Variants in CA4 observed in about 807,000 individuals in gnomAD.
CA4 encodes carbonic anhydrase 4.
Under a neutral mutation model 34.5 loss-of-function variants are expected in CA4, and 24 were observed. The observed-to-expected ratio is 0.70, with a 90% CI of 0.50 to 0.98. The LOEUF (loss-of-function observed/expected upper bound fraction) is 0.98, where lower values mean the gene tolerates loss of function less well. Ranked by LOEUF, CA4 falls within the 50% of genes least tolerant of loss-of-function variation. The pLI is 0.00. For synonymous variants in CA4, 178 were observed against 170.6 expected (o/e 1.04, Z -0.34); for missense variants, 394 against 396.7 (o/e 0.99, Z 0.06).
At chr17:60,170,210 G>A (rs1254120117) in intron 5 of CA4, among the ~76,000 whole-genome samples, 1 of 152,190 alleles carries the variant, frequency 6.6e-6, no homozygotes, top group Non-Finnish European at 1.5e-5. Flanking sequence ...CCCAGGAAAG[G>A]CCAGGAAGGA....
downstream of CA4, among the ~76,000 whole-genome samples, chr17:60,161,739 C>T (rs1350954804): frequency 6.6e-6 from 1 of 151,906 alleles, no homozygotes; most frequent in Non-Finnish European, 1.5e-5. Flanking sequence ...CTGGTGACCA[C>T]GCAGCTGTGG....
chr17:60,152,564 G>A (rs1035826417), intron 1 of CA4, among the ~76,000 whole-genome samples: 22 of 152,228 alleles, frequency 1.4e-4, no homozygotes, highest in African/African-American at 5.3e-4. Flanking sequence ...GGGAGGCTGT[G>A]AGGCGAGTTA....
At chr17:60,160,817 G>C (rs971866254), downstream of CA4, among the ~76,000 whole-genome samples, 2 of 151,730 alleles carry the variant, frequency 1.3e-5, no homozygotes, top group Admixed American at 6.6e-5. Flanking sequence ...GGGGCGGCTG[G>C]GAGGAGGCCA....
At chr17:60,166,133 C>T (rs1169855386) in intron 5 of CA4, among the ~76,000 whole-genome samples, 2 of 152,168 alleles carry the variant, frequency 1.3e-5, no homozygotes, top group Non-Finnish European at 2.9e-5. Flanking sequence ...GGTTTTCCCT[C>T]CTGTGTGATT....
chr17:60,167,015 T>C (rs58449832), intron 5 of CA4, among the ~76,000 whole-genome samples: 119 of 152,258 alleles, frequency 7.8e-4, no homozygotes, highest in Non-Finnish European at 1.1e-3. Flanking sequence ...AACCCAGAAA[T>C]TCTGATACTT....
chr17:60,173,036 A>G (rs1307603157), downstream of CA4, among the ~76,000 whole-genome samples: 2 of 150,736 alleles, frequency 1.3e-5, no homozygotes, highest in Non-Finnish European at 3.0e-5. Context: ...CCAGCTACTC[A>G]GGAGGCTGAG....
At chr17:60,163,182 G>A (rs984650568), downstream of CA4, among the ~76,000 whole-genome samples, 3 of 151,898 alleles carry the variant, frequency 2.0e-5, no homozygotes, top group Admixed American at 6.6e-5. Context: ...GTCTACAGGG[G>A]GCCCAGAGTC....
downstream of CA4, among the ~76,000 whole-genome samples, chr17:60,162,413 T>C (rs1276054703): frequency 1.3e-5 from 2 of 152,122 alleles, no homozygotes; most frequent in African/African-American, 4.8e-5. Context: ...CTGTGCCCAG[T>C]CTGGCCTGGC....
chr17:60,172,969 C>A (rs2083924555), downstream of CA4, among the ~76,000 whole-genome samples: 1 of 151,984 alleles, frequency 6.6e-6, no homozygotes, highest in Admixed American at 6.6e-5. Context: ...CATGGAGAAA[C>A]CCCATCTCTA....
At chr17:60,173,292 C>T (rs907025286), downstream of CA4, among the ~76,000 whole-genome samples, 1 of 152,230 alleles carries the variant, frequency 6.6e-6, no homozygotes, top group Non-Finnish European at 1.5e-5. Context: ...ACTGGCCTGA[C>T]CTTCAAAGGC....
intron 1 of CA4, among the ~76,000 whole-genome samples, chr17:60,152,843 G>A (rs1187741167): frequency 6.6e-6 from 1 of 152,224 alleles, no homozygotes; most frequent in African/African-American, 2.4e-5. Flanking sequence ...TTGAACCAGA[G>A]TGACTCCATT....
At chr17:60,160,315 C>T (rs977630234), downstream of CA4, among the ~76,000 whole-genome samples, 1 of 152,216 alleles carries the variant, frequency 6.6e-6, no homozygotes, top group Non-Finnish European at 1.5e-5. Context: ...ATTTATTGAG[C>T]GTTTATGCTC....
At chr17:60,163,403 A>G (rs345182), downstream of CA4, among the ~76,000 whole-genome samples, 54,000 of 151,972 alleles carry the variant, frequency 0.36, 14,483 homozygotes, top group African/African-American at 0.76. Flanking sequence ...TCTGGGCCTC[A>G]GTTCATCCAT....
downstream of CA4, among the ~76,000 whole-genome samples, chr17:60,163,464 C>T (rs1476727572): frequency 6.6e-6 from 1 of 152,138 alleles, no homozygotes; most frequent in Non-Finnish European, 1.5e-5. Flanking sequence ...CAAGGCTGTC[C>T]CGGGCTCCTG....
chr17:60,164,169 C>CCTCTCTCT (rs749131087), downstream of CA4, among the ~76,000 whole-genome samples: 1 of 140,908 alleles, frequency 7.1e-6, no homozygotes, highest in African/African-American at 2.8e-5. Context: ...TCCCTCCCTC[C>CCTCTCTCT]CTCTCTCTCT....
chr17:60,175,357 C>T (rs760134018), downstream of CA4, among the ~76,000 whole-genome samples: 21 of 151,504 alleles, frequency 1.4e-4, no homozygotes, highest in South Asian at 1.0e-3. Context: ...TAGCTTAAGC[C>T]GAGGAGTTCG....
intron 4 of CA4, 50 bp from the exon 5 acceptor site, chr17:60,157,640 G>A (rs1395866619): frequency 1.2e-6 from 2 of 1,612,478 alleles, no homozygotes; most frequent in Non-Finnish European, 1.7e-6. Flanking sequence ...GGCAAGGAGG[G>A]TAGTCCAGGC....
intron 5 of CA4, among the ~76,000 whole-genome samples, chr17:60,165,523 C>T (rs2083846328): frequency 1.3e-5 from 2 of 152,204 alleles, no homozygotes; most frequent in Non-Finnish European, 1.5e-5. Context: ...AGGGCTCCTC[C>T]TGCTTTCTCA....
At chr17:60,167,044 T>C (rs185037528) in intron 5 of CA4, among the ~76,000 whole-genome samples, 5 of 152,322 alleles carry the variant, frequency 3.3e-5, no homozygotes, top group African/African-American at 1.2e-4. Flanking sequence ...ACACTTACAA[T>C]TGCTACATTG....
Sources: allele counts gnomAD v4.1 joint callset (sites outside exome capture counted in the v4.1 genomes callset), GRCh38; gene constraint gnomAD v4.1.1; transcripts MANE v1.5; gene names NCBI Gene and HGNC (gene_info 2026-07-23, HGNC 2026-07-21).